Variants in DOP1B observed in about 807,000 individuals in gnomAD.
DOP1B encodes protein DOP1B.
Under a neutral mutation model 233.5 loss-of-function variants are expected in DOP1B, and 174 were observed. The observed-to-expected ratio is 0.75, with a 90% CI of 0.66 to 0.85. The LOEUF (loss-of-function observed/expected upper bound fraction) is 0.85, where lower values mean the gene tolerates loss of function less well. DOP1B is among the 40% of genes least tolerant of loss of function. DOP1B has a pLI of 0.00. For synonymous variants in DOP1B, 1,190 were observed against 1,185.6 expected, an observed-to-expected ratio of 1.00 and a Z score of -0.08; for missense variants, 2,652 against 2,846.6, an observed-to-expected ratio of 0.93 and a Z score of 1.56.
chr21:36,277,177 C>T (rs1191440613), intron 28 of DOP1B, 77 bp downstream of exon 28: 3 of 1,495,892 alleles, frequency 2.0e-6, no homozygotes, highest in African/African-American at 1.4e-5. Flanking sequence ...TTTGTTCATT[C>T]CCAGGTGCCA....
Position 36,246,315 on chromosome 21 carries a change from G to T in DOP1B, c.4335G>T (p.Leu1445=). ...TGCAGATTGAGCTGCTGAAGCTGCT[G>T]CAGGTGCTGATTGTCTTGGAACACC... is the stretch of plus-strand genomic sequence containing the variant. ...HPLQIELLKL[L]QVLIVLEHHL... is the part of the protein sequence containing the mutation. The change falls in exon 19 of 37, where the codon CTG becomes CTT. Residue 1445 remains leucine (L), a synonymous_variant. Transcript: ENST00000691173. This position sits in a 1 kb window ranked among gnomAD's most constrained non-coding sequence, Gnocchi z 5.1. 2 of 1,613,942 alleles carry T rather than the reference G, an allele frequency of 1.2e-6. No individual in the cohort carries two copies. The highest frequency in any genetic ancestry group is 1.7e-6 in the Non-Finnish European group (2 of 1,180,026).
chr21:36,260,773 A>G (rs1417246699), intron 24 of DOP1B, 41 bp downstream of exon 24: 1 of 1,612,292 alleles, frequency 6.2e-7, no homozygotes, highest in South Asian at 1.1e-5. Flanking sequence ...CCTTAAATAC[A>G]GATGCTATTG....
At chr21:36,262,581 T>C (rs986624787) in intron 24 of DOP1B, among the ~76,000 whole-genome samples, 1 of 152,066 alleles carries the variant, frequency 6.6e-6, no homozygotes, top group African/African-American at 2.4e-5. Context: ...AGCAGAATAT[T>C]AGCACTAGAA....
At chr21:36,158,473 G>C (rs1017381481) in intron 1 of DOP1B, among the ~76,000 whole-genome samples, 7 of 152,124 alleles carry the variant, frequency 4.6e-5, no homozygotes, top group African/African-American at 1.4e-4. Context: ...CTCATCTTGG[G>C]CCTAATACCC....
chr21:36,169,670 A>C (rs1185219700), intron 2 of DOP1B: 25 of 893,616 alleles, frequency 2.8e-5, no homozygotes, highest in Non-Finnish European at 4.8e-5. Context: ...GCGCAGAGGA[A>C]GTAGGCGCGT....
chr21:36,225,872 T>C (rs2066676797), intron 12 of DOP1B, among the ~76,000 whole-genome samples: 1 of 152,224 alleles, frequency 6.6e-6, no homozygotes, highest in Non-Finnish European at 1.5e-5. Flanking sequence ...GCTATAACTT[T>C]TGGGCCAGTT....
chr21:36,251,064 G>T, intron 21 of DOP1B, 98 bp from the exon 22 acceptor site: 6 of 1,456,654 alleles, frequency 4.1e-6, no homozygotes, highest in Non-Finnish European at 5.5e-6. Context: ...ACATGACAGG[G>T]TCCTTGCTCT....
chr21:36,282,059 T>G (rs2067423145), intron 32 of DOP1B, among the ~76,000 whole-genome samples: 1 of 152,166 alleles, frequency 6.6e-6, no homozygotes. Context: ...TTGTCACTTG[T>G]TAAAACAAGT....
At chr21:36,220,667 A>ATTT (rs201067094) in intron 10 of DOP1B, among the ~76,000 whole-genome samples, 2,279 of 134,870 alleles carry the variant, frequency 0.017, 57 homozygotes, top group African/African-American at 0.038. Context: ...TGCCCAGCTA[A>ATTT]TTTTTTTTTT....
chr21:36,183,287 C>T (rs577278668), intron 2 of DOP1B, among the ~76,000 whole-genome samples: 1 of 152,322 alleles, frequency 6.6e-6, no homozygotes, highest in East Asian at 1.9e-4. Context: ...GAAATGTTTC[C>T]ACACATTGCC....
At position 36,246,808 on chromosome 21, in the gene DOP1B, C is replaced by A; in HGVS notation, c.4697+131C>A. 1 of 1,065,454 alleles carries A rather than the reference C, an allele frequency of 9.4e-7. No individual in the cohort carries two copies. The highest frequency in any genetic ancestry group is 2.7e-5 in the Admixed American group (1 of 37,064). 66.0% of individuals were successfully genotyped at this position (1,065,454 alleles called of 1,614,324 possible). Reference sequence around the variant, plus strand: ...CAATGAGAAGCCTGTTTAGCATTATCAAGAGGGGTAACAAGCAACTAAATG... The same window carrying A: ...CAATGAGAAGCCTGTTTAGCATTATAAAGAGGGGTAACAAGCAACTAAATG... On this transcript the variant is annotated intron_variant, in intron 19 of 36. Transcript: ENST00000691173. The surrounding 1 kb of genome is among the most constrained non-coding windows in gnomAD (Gnocchi z 5.1).
At chr21:36,221,510 A>G (rs2066622477) in intron 10 of DOP1B, among the ~76,000 whole-genome samples, 1 of 152,094 alleles carries the variant, frequency 6.6e-6, no homozygotes, top group African/African-American at 2.4e-5. Flanking sequence ...ATAAATAAAA[A>G]TAATAAATCC....
intron 3 of DOP1B, among the ~76,000 whole-genome samples, 194 bp from the exon 4 acceptor site, chr21:36,200,137 G>A (rs112561755): frequency 1.5e-4 from 23 of 152,108 alleles, no homozygotes; most frequent in African/African-American, 4.8e-4. Context: ...GCATCTGAAC[G>A]TGCGGACAGC....
intron 35 of DOP1B, among the ~76,000 whole-genome samples, chr21:36,291,581 G>A (rs767936015): frequency 2.0e-5 from 3 of 151,946 alleles, no homozygotes; most frequent in Non-Finnish European, 2.9e-5. Flanking sequence ...AGTGGGTTCC[G>A]ATATATGTGA....
chr21:36,252,858 G>A (rs2067046785), intron 22 of DOP1B, among the ~76,000 whole-genome samples: 1 of 152,170 alleles, frequency 6.6e-6, no homozygotes. Flanking sequence ...CCATGATGAA[G>A]TCCTGCAGGG....
intron 9 of DOP1B, among the ~76,000 whole-genome samples, chr21:36,219,109 G>T (rs34242299): frequency 0.038 from 5,751 of 152,230 alleles, 131 homozygotes; most frequent in South Asian, 0.07. Flanking sequence ...TGTTACGAGG[G>T]TTTAATACGT....
chr21:36,287,467 G>C (rs1419869086), intron 32 of DOP1B, among the ~76,000 whole-genome samples: 1 of 152,042 alleles, frequency 6.6e-6, no homozygotes, highest in African/African-American at 2.4e-5. Context: ...CTGTGGCAGG[G>C]GGACGGCCTG....
Position 36,200,314 on chromosome 21 carries a change from C to G in DOP1B, c.321-17C>G, listed in dbSNP as rs967569333. The G allele has an allele frequency of 1.9e-6, 3 of 1,573,768 alleles. No homozygotes were observed. The highest frequency in any genetic ancestry group is 3.7e-5 in the Admixed American group (2 of 54,340). ...GTATCTTATTTCTGCCCCGCTCCCT[C>G]TCGTTCTTTCTCGAAGCTGCGGGTT... On this transcript the variant is annotated splice_polypyrimidine_tract_variant and intron_variant, in intron 3 of 36. Coordinates refer to ENST00000691173, the MANE Select transcript of DOP1B (RefSeq NM_001320714.2).
At chr21:36,273,100 C>A (rs1011101600) in intron 27 of DOP1B, among the ~76,000 whole-genome samples, 15 of 144,848 alleles carry the variant, frequency 1.0e-4, no homozygotes, top group Non-Finnish European at 2.1e-4. Context: ...AGACTCATCT[C>A]AAAAAAATAA....
Sources: allele counts gnomAD v4.1 joint callset (sites outside exome capture counted in the v4.1 genomes callset), GRCh38; gene constraint gnomAD v4.1.1; non-coding constraint Gnocchi (gnomAD v3.1); transcripts MANE v1.5; gene names NCBI Gene and HGNC (gene_info 2026-07-23, HGNC 2026-07-21).